The following ATRNL1 variants were observed in gnomAD, a reference collection of about 807,000 sequenced individuals.
ATRNL1 encodes the protein attractin-like protein 1.
Under a neutral mutation model 182.7 loss-of-function variants are expected in ATRNL1, and 95 were observed. That is an observed-to-expected ratio of 0.52 (90% CI 0.44 to 0.62). The LOEUF is 0.62. Ranked by LOEUF, ATRNL1 falls within the 20% of genes least tolerant of loss-of-function variation. ATRNL1 has a pLI of 0.00. For missense variants in ATRNL1, 1,471 were observed against 1,679.5 expected, an observed-to-expected ratio of 0.88 and a Z score of 2.17; for synonymous variants, 576 against 568.3, an observed-to-expected ratio of 1.01 and a Z score of -0.19.
intron 26 of ATRNL1, among the ~76,000 whole-genome samples, chr10:115,637,309 G>A (rs1858936831): frequency 6.6e-6 from 1 of 152,056 alleles, no homozygotes. Flanking sequence ...TGCTCCTGAA[G>A]ACATTCCGGT....
chr10:115,366,977 G>A (rs1449211073), intron 19 of ATRNL1, among the ~76,000 whole-genome samples: 15 of 139,560 alleles, frequency 1.1e-4, no homozygotes, highest in Admixed American at 8.5e-4. Context: ...CAACTTTGGT[G>A]AATCTGACAA....
intron 26 of ATRNL1, among the ~76,000 whole-genome samples, chr10:115,678,198 C>G (rs561486738): frequency 1.3e-5 from 2 of 152,002 alleles, no homozygotes; most frequent in Non-Finnish European, 2.9e-5. Context: ...TTTTACCAAG[C>G]ATTATTTCAT....
chr10:115,590,540 A>G (rs1555011826), intron 26 of ATRNL1, among the ~76,000 whole-genome samples: 1 of 152,148 alleles, frequency 6.6e-6, no homozygotes, highest in East Asian at 1.9e-4. Flanking sequence ...AGGAATATTT[A>G]TGAATATTAA....
At chr10:115,470,447 T>G (rs1220197359) in intron 24 of ATRNL1, among the ~76,000 whole-genome samples, 1 of 150,566 alleles carries the variant, frequency 6.6e-6, no homozygotes, top group African/African-American at 2.4e-5. Context: ...GATGTGTAAC[T>G]TTATTTCCTA....
At chr10:115,843,684 G>A (rs1173323864) in intron 27 of ATRNL1, among the ~76,000 whole-genome samples, 3 of 152,062 alleles carry the variant, frequency 2.0e-5, no homozygotes, top group South Asian at 2.1e-4. Context: ...GATGTGATTA[G>A]ATGAGTATGT....
intron 19 of ATRNL1, among the ~76,000 whole-genome samples, chr10:115,384,075 T>C (rs934625908): frequency 6.6e-6 from 1 of 152,058 alleles, no homozygotes; most frequent in Admixed American, 6.5e-5. Context: ...AGTATTATCT[T>C]CATTTCATAT....
At chr10:115,913,876 A>G (rs6585373) in intron 28 of ATRNL1, among the ~76,000 whole-genome samples, 150,223 of 152,250 alleles carry the variant, frequency 0.99, 74,140 homozygotes, top group East Asian at 1. Context: ...TACAAATTGA[A>G]CATGTGGTTA....
intron 26 of ATRNL1, among the ~76,000 whole-genome samples, chr10:115,699,194 T>C (rs1366909508): frequency 6.6e-6 from 1 of 152,122 alleles, no homozygotes; most frequent in Non-Finnish European, 1.5e-5. Flanking sequence ...TTCTACTGAA[T>C]CTAAGAAGAT....
intron 26 of ATRNL1, among the ~76,000 whole-genome samples, chr10:115,650,352 C>T (rs1240287529): frequency 2.0e-5 from 3 of 146,366 alleles, no homozygotes; most frequent in African/African-American, 7.4e-5. Context: ...ATCATGGAGG[C>T]ATTGTTTATC....
At chr10:115,241,769 T>A (rs782463344) in intron 10 of ATRNL1, 44 bp downstream of exon 10, 2 of 1,518,544 alleles carry the variant, frequency 1.3e-6, no homozygotes, top group Admixed American at 1.8e-5. Flanking sequence ...ATATCAGAAA[T>A]TTTCCATATA....
At chr10:115,434,911 T>A (rs1157019105) in intron 21 of ATRNL1, among the ~76,000 whole-genome samples, 1 of 152,008 alleles carries the variant, frequency 6.6e-6, no homozygotes, top group Non-Finnish European at 1.5e-5. Flanking sequence ...CAAGTTGGAG[T>A]ATAAGATTAA....
chr10:115,912,539 C>CA, intron 28 of ATRNL1, among the ~76,000 whole-genome samples: 2 of 151,938 alleles, frequency 1.3e-5, no homozygotes, highest in South Asian at 4.2e-4. Context: ...TCAAGAGCTT[C>CA]AAAAGAGTTC....
chr10:115,149,651 C>G (rs1416373316), intron 5 of ATRNL1, among the ~76,000 whole-genome samples: 1 of 151,984 alleles, frequency 6.6e-6, no homozygotes, highest in Admixed American at 6.5e-5. Context: ...TATTGATTTG[C>G]ATATATTGAG....
At chr10:115,636,216 A>C (rs1858860506) in intron 26 of ATRNL1, among the ~76,000 whole-genome samples, 1 of 152,120 alleles carries the variant, frequency 6.6e-6, no homozygotes, top group Admixed American at 6.5e-5. Context: ...CAACAAGGAG[A>C]TAAACCTTGG....
At chr10:115,906,023 CA>C (rs1392736630) in intron 28 of ATRNL1, among the ~76,000 whole-genome samples, 1 of 151,982 alleles carries the variant, frequency 6.6e-6, no homozygotes. Flanking sequence ...GTAACAATAA[CA>C]AAAAAATAAA....
intron 26 of ATRNL1, among the ~76,000 whole-genome samples, chr10:115,717,025 G>A (rs1947272284): frequency 6.6e-6 from 1 of 152,092 alleles, no homozygotes; most frequent in Admixed American, 6.5e-5. Flanking sequence ...TGAGGATCTA[G>A]CTTTTAAATG....
At chr10:115,698,099 T>C (rs2074041514) in intron 26 of ATRNL1, among the ~76,000 whole-genome samples, 1 of 152,176 alleles carries the variant, frequency 6.6e-6, no homozygotes, top group African/African-American at 2.4e-5. Context: ...GATACTTTCA[T>C]AGTTTCTGTA....
chr10:115,400,571 G>C (rs1844517099), intron 20 of ATRNL1, among the ~76,000 whole-genome samples: 1 of 152,060 alleles, frequency 6.6e-6, no homozygotes, highest in South Asian at 2.1e-4. Context: ...GATTGTATAG[G>C]AGCTTAAGTC....
At chr10:115,887,571 C>T (rs1201314592) in intron 28 of ATRNL1, among the ~76,000 whole-genome samples, 2 of 152,100 alleles carry the variant, frequency 1.3e-5, no homozygotes, top group Non-Finnish European at 2.9e-5. Context: ...CTCCTAATAC[C>T]ATCACACTGG....
Sources: gnomAD v4.1 joint callset for allele counts (sites outside exome capture counted in the v4.1 genomes callset) on GRCh38, gnomAD v4.1.1 for gene constraint, MANE v1.5 for transcripts, NCBI Gene and HGNC (gene_info 2026-07-23, HGNC 2026-07-21) for gene names.